TMEM67: variants seen among roughly 807,000 people sequenced by gnomAD.
The protein encoded by TMEM67 is transmembrane protein 67, also known as meckelin.
Under a neutral mutation model 136.6 loss-of-function variants are expected in TMEM67, and 124 were observed. The observed-to-expected ratio is 0.91, with a 90% CI of 0.78 to 1.05. The LOEUF is 1.05. Ranked by LOEUF, TMEM67 falls within the 50% of genes least tolerant of loss-of-function variation. The pLI is 0.00. For synonymous variants in TMEM67, 364 were observed against 390.5 expected, an observed-to-expected ratio of 0.93 and a Z score of 0.80; for missense variants, 1,107 against 1,178.4, an observed-to-expected ratio of 0.94 and a Z score of 0.89.
intron 17 of TMEM67, 44 bp downstream of exon 17, chr8:93,795,551 A>G: frequency 6.8e-7 from 1 of 1,463,874 alleles, no homozygotes; most frequent in Non-Finnish European, 9.6e-7. Context: ...ATATCTGAAT[A>G]GTTGAAAAGC....
chr8:93,764,414 AATGT>A (rs759495886), intron 4 of TMEM67, among the ~76,000 whole-genome samples: 3 of 152,068 alleles, frequency 2.0e-5, no homozygotes, highest in Non-Finnish European at 4.4e-5. Flanking sequence ...GAAAAACATA[AATGT>A]ATGCTAATAA....
chr8:93,801,424 A>C, intron 21 of TMEM67, among the ~76,000 whole-genome samples: 1 of 147,808 alleles, frequency 6.8e-6, no homozygotes. Flanking sequence ...TTTTTGAGAC[A>C]GAGTTTCACT....
At chr8:93,776,412 G>A (rs1051032939) in intron 7 of TMEM67, among the ~76,000 whole-genome samples, 1 of 152,164 alleles carries the variant, frequency 6.6e-6, no homozygotes, top group Non-Finnish European at 1.5e-5. Flanking sequence ...GTGAGAGAGG[G>A]CATCCCTGTC....
At chr8:93,800,195 GC>G (rs1814810992) in intron 21 of TMEM67, among the ~76,000 whole-genome samples, 1 of 152,160 alleles carries the variant, frequency 6.6e-6, no homozygotes, top group Non-Finnish European at 1.5e-5. Flanking sequence ...ACAGGCATGA[GC>G]CATCGCACCC....
chr8:93,787,568 T>C (rs914946624), intron 13 of TMEM67, among the ~76,000 whole-genome samples: 9 of 152,248 alleles, frequency 5.9e-5, no homozygotes, highest in Admixed American at 2.6e-4. Context: ...AGGACTTGGA[T>C]TGAGCTTCTA....
Position 93,795,212 on chromosome 8 carries a change from G to A in TMEM67, c.1675-197G>A, listed in dbSNP as rs4581021. The A allele has an allele frequency of 1.7e-3, 1,020 of 612,810 alleles. 9 individuals are homozygous for A. Among genetic ancestry groups the A allele is most frequent in the African/African-American group, 0.016 (885 of 54,188 alleles). 38.0% of individuals were successfully genotyped at this position (612,810 alleles called of 1,614,324 possible). ...GTTGAAAGAAGAGGCTACCAGGAAC[G>A]GCCAGAAAGGTAAGGAGCCAAAAGG... On this transcript the variant is annotated intron_variant, in intron 16 of 27. Coordinates refer to ENST00000453321, the MANE Select transcript of TMEM67 (RefSeq NM_153704.6).
chr8:93,819,876 A>G (rs1410190953), downstream of TMEM67, among the ~76,000 whole-genome samples: 1 of 152,138 alleles, frequency 6.6e-6, no homozygotes, highest in Non-Finnish European at 1.5e-5. Flanking sequence ...GGGGCTCCCC[A>G]GTTCTTTTAG....
chr8:93,756,058 T>C (rs559303908), intron 2 of TMEM67, 192 bp downstream of exon 2: 4 of 471,242 alleles, frequency 8.5e-6, no homozygotes, highest in African/African-American at 8.0e-5. Flanking sequence ...AACAGAAATG[T>C]ATTTCTTTTA....
chr8:93,790,556 A>G (rs1814330381), intron 14 of TMEM67, among the ~76,000 whole-genome samples: 2 of 152,254 alleles, frequency 1.3e-5, no homozygotes, highest in African/African-American at 2.4e-5. Context: ...CAGTTCTGCC[A>G]GCTGCCCAGC....
At chr8:93,812,445 G>A (rs1808738730) in intron 26 of TMEM67, among the ~76,000 whole-genome samples, 1 of 152,206 alleles carries the variant, frequency 6.6e-6, no homozygotes, top group African/African-American at 2.4e-5. Flanking sequence ...TCATGCCATA[G>A]CACTACAGCC....
chr8:93,780,173 C>T (rs56047704), intron 7 of TMEM67, among the ~76,000 whole-genome samples: 2,167 of 151,856 alleles, frequency 0.014, 60 homozygotes, highest in African/African-American at 0.047. Context: ...TGGGACCCAC[C>T]GAGCCAGGCG....
downstream of TMEM67, among the ~76,000 whole-genome samples, chr8:93,822,555 A>G (rs900862581): frequency 1.3e-5 from 2 of 152,168 alleles, no homozygotes; most frequent in African/African-American, 4.8e-5. Flanking sequence ...TTCTGACTGT[A>G]GCTCAAAGGT....
At chr8:93,794,722 A>G (rs1040615634) in intron 16 of TMEM67, 1 of 152,710 alleles carries the variant, frequency 6.5e-6, no homozygotes, top group Non-Finnish European at 1.5e-5. Context: ...TTATCTGTTC[A>G]TTCTATAATA....
chr8:93,755,751 C>CTTTTTTTTTTTTTTTTTTTTTTTTTT lies in TMEM67; in HGVS notation c.224-3_224-2insTTTTTTTTTTTTTTTTTTTTTTTTTT. 3.2e-6 allele frequency: 2 copies of CTTTTTTTTTTTTTTTTTTTTTTTTTT among 632,468 alleles called. 1 individual carries two copies. The allele number at this position is 632,468 out of a possible 1,614,324, so 39.2% of individuals were successfully genotyped here. The stretch of plus-strand genomic sequence containing the variant: ...TTTTATTTATCAAGGATAAAATTGG[C>CTTTTTTTTTTTTTTTTTTTTTTTTTT]TTTTTTTTTTTTTTTTTTTTTTTTA... On this transcript the variant is annotated intron_variant, in intron 1 of 27. Coordinates refer to ENST00000453321, the MANE Select transcript of TMEM67 (RefSeq NM_153704.6).
intron 2 of TMEM67, chr8:93,756,252 G>A (rs760986709): frequency 1.4e-4 from 23 of 161,548 alleles, no homozygotes; most frequent in Non-Finnish European, 1.1e-4. Context: ...GACCTACCAT[G>A]TCAACAGTTT....
downstream of TMEM67, among the ~76,000 whole-genome samples, chr8:93,820,320 G>A (rs907372990): frequency 1.3e-5 from 2 of 152,162 alleles, no homozygotes; most frequent in African/African-American, 4.8e-5. Flanking sequence ...GGGGGCTTTG[G>A]AGGGCAATGA....
intron 26 of TMEM67, among the ~76,000 whole-genome samples, chr8:93,812,298 G>A (rs190934032): frequency 1.3e-5 from 2 of 152,214 alleles, no homozygotes; most frequent in East Asian, 3.9e-4. Context: ...ATGGAAAATT[G>A]TAACAGCATA....
intron 20 of TMEM67, among the ~76,000 whole-genome samples, chr8:93,797,883 G>A (rs1228350824): frequency 6.6e-6 from 1 of 152,230 alleles, no homozygotes; most frequent in East Asian, 1.9e-4. Context: ...TCGGGAGGCT[G>A]AGGCAGGAGA....
chr8:93,799,668 T>C lies in TMEM67; in HGVS notation c.2151T>C (p.Ser717=). 6.2e-7 allele frequency: 1 copy of C among 1,613,978 alleles called. No individual in the cohort carries two copies. The highest frequency in any genetic ancestry group is 1.1e-5 in the South Asian group (1 of 91,078). The change falls in exon 21 of 28, where the codon TCT becomes TCC. Residue 717 remains serine (S), a synonymous_variant. Transcript: ENST00000453321. Reference sequence around the variant, plus strand: ...TAATGGACTCATCTTCTAGTCTTTCTAGAAACCCACCTAGCTACATAGCTC... The same window carrying C: ...TAATGGACTCATCTTCTAGTCTTTCCAGAAACCCACCTAGCTACATAGCTC... ...LALMDSSSSL[S]RNPPSYIAPY...
Sources: gnomAD v4.1 joint callset for allele counts (sites outside exome capture counted in the v4.1 genomes callset) on GRCh38, gnomAD v4.1.1 for gene constraint, MANE v1.5 for transcripts, NCBI Gene and HGNC (gene_info 2026-07-23, HGNC 2026-07-21) for gene names.